Variants in SOX6 observed in about 807,000 individuals in gnomAD.
The protein encoded by SOX6 is transcription factor SOX-6.
Under a neutral mutation model 97.8 loss-of-function variants are expected in SOX6, and 11 were observed. The observed-to-expected ratio is 0.11, with a 90% confidence interval of 0.07 to 0.19. The LOEUF is 0.19. Among genes scored for constraint, SOX6 ranks in the 10% least tolerant of loss-of-function variants. The pLI is 1.00. For synonymous variants in SOX6, 360 were observed against 371.4 expected, an observed-to-expected ratio of 0.97 and a Z score of 0.35; for missense variants, 810 against 1,039.5, an observed-to-expected ratio of 0.78 and a Z score of 3.04.
chr11:16,423,182 T>C (rs1430590729), intron 1 of SOX6, among the ~76,000 whole-genome samples: 2 of 152,158 alleles, frequency 1.3e-5, no homozygotes, highest in African/African-American at 4.8e-5. Context: ...CAGCTTTTCT[T>C]TGAACAGACA....
chr11:16,354,026 G>C (rs765235247), intron 1 of SOX6, among the ~76,000 whole-genome samples: 4 of 151,934 alleles, frequency 2.6e-5, no homozygotes, highest in Admixed American at 6.6e-5. Flanking sequence ...CTGGAAAACT[G>C]CTTGCTACCA....
rs138094110 is a variant in SOX6 at position 16,291,363 on chromosome 11, G to GAATAAATAAATAAATAAATA, written c.445+27063_445+27082dup. On this transcript the variant is annotated intron_variant, in intron 3 of 15. Transcript: ENST00000683767. ...TAATATCCTGCTCAATATAATGAATGAATAAATAAATAAATAAATAAATAA... is the reference window on the plus strand; with the variant it reads ...TAATATCCTGCTCAATATAATGAATGAATAAATAAATAAATAAATAAATAAATAAATAAATAAATAAATAA... Among the ~76,000 whole-genome samples, 486 of 148,124 alleles carry GAATAAATAAATAAATAAATA rather than the reference G, an allele frequency of 3.3e-3. 4 individuals carry two copies. Among genetic ancestry groups the GAATAAATAAATAAATAAATA allele is most frequent in the Non-Finnish European group, 4.6e-3 (311 of 66,944 alleles).
intron 1 of SOX6, among the ~76,000 whole-genome samples, chr11:16,424,947 C>T (rs1291654188): frequency 6.6e-6 from 1 of 152,086 alleles, no homozygotes; most frequent in African/African-American, 2.4e-5. Flanking sequence ...AACAAAGTGG[C>T]TAAGTCAAAA....
intron 4 of SOX6, among the ~76,000 whole-genome samples, chr11:16,198,430 C>G (rs1342417242): frequency 6.6e-6 from 1 of 152,002 alleles, no homozygotes. Flanking sequence ...GCTTATAAAA[C>G]TCACTTTCTA....
At chr11:16,513,309 A>C (rs1860908704) in intron 4 of SOX6, among the ~76,000 whole-genome samples, 1 of 151,032 alleles carries the variant, frequency 6.6e-6, no homozygotes, top group Admixed American at 6.6e-5. Flanking sequence ...TCACACACTC[A>C]AAAGAGAGGG....
upstream of SOX6, among the ~76,000 whole-genome samples, chr11:16,360,600 C>A (rs975738003): frequency 6.6e-6 from 1 of 152,132 alleles, no homozygotes; most frequent in African/African-American, 2.4e-5. Flanking sequence ...TAGAAGGGGA[C>A]AAGAATTGTG....
intron 4 of SOX6, among the ~76,000 whole-genome samples, chr11:16,519,574 ACAC>A (rs1861024982): frequency 6.6e-6 from 1 of 152,090 alleles, no homozygotes; most frequent in Non-Finnish European, 1.5e-5. Flanking sequence ...ATATATATAT[ACAC>A]CACATTTTCT....
chr11:16,437,863 T>A (rs531666802), intron 1 of SOX6, among the ~76,000 whole-genome samples: 2 of 152,326 alleles, frequency 1.3e-5, no homozygotes, highest in South Asian at 4.1e-4. Flanking sequence ...ACAATTCATT[T>A]AAAGTGATTA....
At position 16,607,944 on chromosome 11, in the gene SOX6, G is replaced by GAGAGAGGAGGGC. The variant is rs1232384199; in HGVS notation, n.609+4125_609+4136dup. Among the ~76,000 whole-genome samples, 8 of 152,100 alleles carry GAGAGAGGAGGGC rather than the reference G, an allele frequency of 5.3e-5. No individual in the cohort carries two copies. Among genetic ancestry groups the GAGAGAGGAGGGC allele is most frequent in the African/African-American group, 1.9e-4 (8 of 41,404 alleles). On this transcript the variant is annotated intron_variant and non_coding_transcript_variant, in intron 4 of 5. Transcript: ENST00000524520. This position sits in a 1 kb window ranked among gnomAD's most constrained non-coding sequence, Gnocchi z 6.5. ...GGCAAAGGCAAGAGAGAGCCGCAAAGAGAGAGGAGGGCAGAGACATCGGCG... is the reference window on the plus strand; with the variant it reads ...GGCAAAGGCAAGAGAGAGCCGCAAAGAGAGAGGAGGGCAGAGAGGAGGGCAGAGACATCGGCG...
At position 16,514,744 on chromosome 11, in the gene SOX6, T is replaced by G. The variant is rs1734655526; in HGVS notation, n.610-38356A>C. On this transcript the variant is annotated intron_variant and non_coding_transcript_variant, in intron 4 of 5. Coordinates refer to the SOX6 transcript ENST00000524520. The stretch of plus-strand genomic sequence containing the variant: ...CCAGAGTGTGATGTTTCCCTTCCTG[T>G]GTCCATGTGTTCTCATTGTTCAATT... 2.9e-5 allele frequency among the ~76,000 whole-genome samples: 4 copies of G among 138,202 alleles called. No homozygotes were observed. In the South Asian group the frequency reaches 9.3e-4, roughly 32 times the overall value. The allele number at this position is 138,202 out of a possible 152,430, so 90.7% of individuals were successfully genotyped here. A position where few individuals can be genotyped will look rare whatever the true frequency, so the allele number is the denominator to read the frequency against.
chr11:16,697,637 C>T (rs919363805), intron 3 of SOX6, among the ~76,000 whole-genome samples: 1 of 152,192 alleles, frequency 6.6e-6, no homozygotes, highest in Non-Finnish European at 1.5e-5. Flanking sequence ...TTTCTACTTA[C>T]TTTGCTCACA....
At chr11:16,245,856 G>T (rs567043447) in intron 3 of SOX6, among the ~76,000 whole-genome samples, 1 of 150,942 alleles carries the variant, frequency 6.6e-6, no homozygotes, top group African/African-American at 2.4e-5. Flanking sequence ...ATATTAATTG[G>T]GTCTTGTTTT....
At chr11:16,008,289 T>A (rs963171943) in intron 13 of SOX6, among the ~76,000 whole-genome samples, 6 of 152,130 alleles carry the variant, frequency 3.9e-5, no homozygotes, top group Admixed American at 2.6e-4. Context: ...GATGCAGAAC[T>A]TGCAGATACA....
At chr11:16,486,147 C>G (rs1046929295) in intron 4 of SOX6, among the ~76,000 whole-genome samples, 1 of 152,060 alleles carries the variant, frequency 6.6e-6, no homozygotes, top group Middle Eastern at 3.4e-3. Context: ...ATCCATGGTA[C>G]AGAATTACCA....
chr11:16,721,618 CCTCT>C (rs59547335), intron 2 of SOX6, among the ~76,000 whole-genome samples: 1,549 of 22,302 alleles, frequency 0.069, 95 homozygotes, highest in African/African-American at 0.19. Context: ...TCCCTCCCTC[CCTCT>C]CTCTCTCTCT....
At chr11:16,702,393 G>A (rs951199201) in intron 3 of SOX6, among the ~76,000 whole-genome samples, 11 of 151,830 alleles carry the variant, frequency 7.2e-5, no homozygotes, top group African/African-American at 2.2e-4. Flanking sequence ...TTTTTTAATC[G>A]TCTACTGGTC....
At chr11:16,301,999 A>T (rs1313232272) in intron 3 of SOX6, among the ~76,000 whole-genome samples, 1 of 152,060 alleles carries the variant, frequency 6.6e-6, no homozygotes, top group Non-Finnish European at 1.5e-5. Flanking sequence ...TCTCAGCTAG[A>T]TATCTCCCTA....
At chr11:16,115,624 G>A (rs1849330615) in intron 6 of SOX6, among the ~76,000 whole-genome samples, 1 of 152,130 alleles carries the variant, frequency 6.6e-6, no homozygotes, top group Non-Finnish European at 1.5e-5. Flanking sequence ...GAAAACAGGT[G>A]GCTAGAGAAG....
chr11:16,428,338 C>T (rs1232961464), intron 1 of SOX6, among the ~76,000 whole-genome samples: 1 of 152,142 alleles, frequency 6.6e-6, no homozygotes, highest in Non-Finnish European at 1.5e-5. Context: ...TAACTAGATC[C>T]CATTTGTCAA....
Sources: allele counts gnomAD v4.1 joint callset (sites outside exome capture counted in the v4.1 genomes callset), GRCh38; gene constraint gnomAD v4.1.1; non-coding constraint Gnocchi (gnomAD v3.1); transcripts MANE v1.5; gene names NCBI Gene and HGNC (gene_info 2026-07-23, HGNC 2026-07-21).